The following ORC3 variants were observed in gnomAD, a reference collection of about 807,000 sequenced individuals.
ORC3 encodes the protein homolog of latheo, Drosophila.
A neutral mutation model predicts 100.7 loss-of-function variants in ORC3; 78 were observed. That is an observed-to-expected ratio of 0.77 (90% confidence interval 0.65 to 0.94). ORC3 has a LOEUF of 0.94. Ranked by LOEUF, ORC3 falls within the 40% of genes least tolerant of loss-of-function variation. ORC3 has a pLI of 0.00. For synonymous variants in ORC3, 295 were observed against 289.3 expected (o/e 1.02, Z -0.20); for missense variants, 789 against 823.9 (o/e 0.96, Z 0.52).
rs79060597 is a variant in ORC3 at position 87,642,023 on chromosome 6, C to T, written c.1382+5537C>T. 8.5e-3 allele frequency among the ~76,000 whole-genome samples: 1,292 copies of T among 152,238 alleles called. 8 individuals carry two copies. The highest frequency in any genetic ancestry group is 0.01 in the African/African-American group (422 of 41,532). ...ATTAAAATATAATTTCTGGCAGGCA[C>T]GGTGGCTCACACCTATGAATTAGAG... On this transcript the variant is annotated intron_variant, in intron 13 of 19. Transcript: ENST00000392844.
chr6:87,610,843 G>A (rs571976763), intron 7 of ORC3, among the ~76,000 whole-genome samples: 8 of 133,518 alleles, frequency 6.0e-5, no homozygotes, highest in African/African-American at 9.3e-5. Flanking sequence ...GTGAGCCACC[G>A]CGCCCGGCCT....
At chr6:87,669,265 G>T (rs1770782894), downstream of ORC3, among the ~76,000 whole-genome samples, 1 of 152,232 alleles carries the variant, frequency 6.6e-6, no homozygotes, top group South Asian at 2.1e-4. Context: ...ATAATCAACT[G>T]CAAGTCAGAG....
chr6:87,676,628 A>ACACACACACACACACACAC, the ORC3 span, among the ~76,000 whole-genome samples: 3 of 99,968 alleles, frequency 3.0e-5, no homozygotes, highest in Admixed American at 2.1e-4. Flanking sequence ...CACACACACA[A>ACACACACACACACACACAC]ACATAGCTGG....
At chr6:87,675,909 C>T in the ORC3 span, 4 of 1,613,574 alleles carry the variant, frequency 2.5e-6, no homozygotes, top group Non-Finnish European at 3.4e-6. Flanking sequence ...CATGCGTAAA[C>T]TTCACAAACG....
chr6:87,650,550 T>G (rs1769179209), intron 13 of ORC3, among the ~76,000 whole-genome samples: 1 of 152,148 alleles, frequency 6.6e-6, no homozygotes. Flanking sequence ...GTGTATAATT[T>G]TACTGGAAAA....
At chr6:87,644,092 TTTTTTTTTTTTTTTTTTTGAGA>T (rs1768528110) in intron 13 of ORC3, among the ~76,000 whole-genome samples, 2 of 103,108 alleles carry the variant, frequency 1.9e-5, no homozygotes, top group Admixed American at 1.0e-4. Context: ...TTTTTTTTTT[TTTTTTTTTTTTTTTTTTTGAGA>T]CGGAGTCTCG....
At chr6:87,619,057 A>C (rs1440548785) in intron 9 of ORC3, among the ~76,000 whole-genome samples, 1 of 152,198 alleles carries the variant, frequency 6.6e-6, no homozygotes, top group Admixed American at 6.5e-5. Context: ...TAATGTTATG[A>C]GGATGAAATG....
At chr6:87,635,331 C>G (rs1012767074) in intron 12 of ORC3, among the ~76,000 whole-genome samples, 3 of 152,178 alleles carry the variant, frequency 2.0e-5, no homozygotes, top group African/African-American at 7.2e-5. Context: ...TTGCACTACA[C>G]CCAGAATAAA....
chr6:87,662,036 A>G (rs1348667901), intron 16 of ORC3, among the ~76,000 whole-genome samples: 1 of 152,228 alleles, frequency 6.6e-6, no homozygotes, highest in Non-Finnish European at 1.5e-5. Context: ...CAGATTTTTT[A>G]TAAGTGAAAT....
chr6:87,620,179 C>T lies in ORC3; in HGVS notation c.988-1175C>T, dbSNP rs541367501. 2.3e-3 allele frequency among the ~76,000 whole-genome samples: 355 copies of T among 152,292 alleles called. 2 individuals are homozygous for T. The highest frequency in any genetic ancestry group is 8.1e-3 in the African/African-American group (338 of 41,578). On this transcript the variant is annotated intron_variant, in intron 9 of 19. Transcript: ENST00000392844. ...CTGTGGCTTCCTCCCATTCCTCTTCCGCAGCAAGCCCCTTAGCCTGTTTAG... is the reference window on the plus strand; with the variant it reads ...CTGTGGCTTCCTCCCATTCCTCTTCTGCAGCAAGCCCCTTAGCCTGTTTAG...
In ORC3 at chr6:87,664,734, A is replaced by G. The variant is rs536222343; in HGVS notation, c.1834-9A>G. 1 of 1,604,790 alleles carries G rather than the reference A, an allele frequency of 6.2e-7. No homozygotes were observed. Among genetic ancestry groups the G allele is most frequent in the East Asian group, 2.2e-5 (1 of 44,800 alleles). On this transcript the variant is annotated splice_polypyrimidine_tract_variant and intron_variant, in intron 17 of 19. Transcript: ENST00000392844. ...AAGTTAGTCATCTTAGTTTACTGTT[A>G]ATTGTTAGAATGAAGCACTGAAAAG...
chr6:87,653,140 G>A lies in ORC3; in HGVS notation c.1407G>A (p.Met469Ile). The change falls in exon 14 of 20, where the codon ATG becomes ATA. Residue 469 changes from methionine to isoleucine, a missense_variant. Physicochemically the swap from Met to Ile is conservative, Grantham distance 10. Around this residue, in one of 3 missense-constraint regions of ORC3, gnomAD observed 366 missense variants for 394.2 expected, o/e 0.93. Transcript: ENST00000392844. ...LLRMLAKDEL[M>I]TILEKCFKVF... ...GGATGTTGGCAAAGGATGAACTGAT[G>A]ACCATACTTGAGAAATGTTTCAAGG... 2 of 1,613,374 alleles carry A rather than the reference G, an allele frequency of 1.2e-6. No homozygotes were observed. Among genetic ancestry groups the A allele is most frequent in the Non-Finnish European group, 8.5e-7 (1 of 1,179,412 alleles).
intron 9 of ORC3, among the ~76,000 whole-genome samples, chr6:87,617,673 G>A (rs1779255155): frequency 6.6e-6 from 1 of 152,128 alleles, no homozygotes; most frequent in African/African-American, 2.4e-5. Context: ...AGTCAAGGCT[G>A]CAGTGAGCCA....
rs1582091223 is a variant in ORC3 at position 87,663,245 on chromosome 6, GTC to G, written c.1833+102_1833+103del. Reference sequence around the variant, plus strand: ...GCAGTTATGTTTTAATGAGCAGAGAGTCGGCAATTCAGGGTTGCACGTCTCAT... The same window carrying G: ...GCAGTTATGTTTTAATGAGCAGAGAGGGCAATTCAGGGTTGCACGTCTCAT... On this transcript the variant is annotated intron_variant, in intron 17 of 19. Transcript: ENST00000392844. The G allele has an allele frequency of 4.4e-6, 4 of 910,196 alleles. No homozygotes were observed. The East Asian group carries it at 1.0e-4, about 24-fold the overall frequency. 56.4% of individuals were successfully genotyped at this position (910,196 alleles called of 1,614,324 possible).
intron 11 of ORC3, among the ~76,000 whole-genome samples, chr6:87,629,531 G>A (rs955440014): frequency 2.0e-5 from 3 of 152,060 alleles, no homozygotes; most frequent in Admixed American, 6.6e-5. Context: ...TAACAATAGG[G>A]GGTCTGTCAT....
At chr6:87,627,334 C>T (rs576386341) in intron 11 of ORC3, among the ~76,000 whole-genome samples, 87 of 112,698 alleles carry the variant, frequency 7.7e-4, no homozygotes, top group African/African-American at 3.0e-3. Context: ...CTCGCTCTAT[C>T]GCCCAGGCTA....
intron 7 of ORC3, among the ~76,000 whole-genome samples, chr6:87,610,618 A>G (rs1454238224): frequency 1.5e-5 from 2 of 134,134 alleles, no homozygotes; most frequent in African/African-American, 6.1e-5. Context: ...CAGTGGCGCA[A>G]TCTCGGCTCA....
intron 14 of ORC3, among the ~76,000 whole-genome samples, chr6:87,655,840 A>G (rs1239163091): frequency 6.6e-6 from 1 of 152,092 alleles, no homozygotes; most frequent in Non-Finnish European, 1.5e-5. Context: ...AGGTTTATTA[A>G]CATGTAGCAA....
chr6:87,619,867 G>A (rs1008112524), intron 9 of ORC3, among the ~76,000 whole-genome samples: 6 of 151,582 alleles, frequency 4.0e-5, no homozygotes, highest in African/African-American at 4.8e-5. Context: ...TTGGTAAGTC[G>A]TGATTTCTAC....
Sources: allele counts gnomAD v4.1 joint callset (sites outside exome capture counted in the v4.1 genomes callset), GRCh38; gene constraint gnomAD v4.1.1; regional missense constraint gnomAD v4.1.1; transcripts MANE v1.5; gene names NCBI Gene and HGNC (gene_info 2026-07-23, HGNC 2026-07-21).